PTK2B: variants seen among roughly 807,000 people sequenced by gnomAD.
PTK2B encodes protein tyrosine kinase 2 beta.
Under a neutral mutation model 142.9 loss-of-function variants are expected in PTK2B, and 71 were observed. The observed-to-expected ratio is 0.50, with a 90% CI of 0.41 to 0.61. The LOEUF is 0.61. Among genes scored for constraint, PTK2B ranks in the 20% least tolerant of loss-of-function variants. The pLI, the probability that PTK2B is intolerant of heterozygous loss-of-function variation, is 0.00. For synonymous variants in PTK2B, 519 were observed against 503.4 expected, an observed-to-expected ratio of 1.03 and a Z score of -0.42; for missense variants, 1,105 against 1,320.4, an observed-to-expected ratio of 0.84 and a Z score of 2.53.
intron 2 of PTK2B, among the ~76,000 whole-genome samples, chr8:27,414,860 C>T (rs925687267): frequency 1.3e-5 from 2 of 151,360 alleles, no homozygotes; most frequent in Non-Finnish European, 2.9e-5. Flanking sequence ...TTACAATCTC[C>T]TAATCACTCC....
At chr8:27,453,339 T>C (rs1230381531) in intron 28 of PTK2B, among the ~76,000 whole-genome samples, 179 bp downstream of exon 28, 2 of 152,172 alleles carry the variant, frequency 1.3e-5, no homozygotes, top group African/African-American at 4.8e-5. Flanking sequence ...GCCACACAGC[T>C]AATTCATGAA....
At chr8:27,422,993 C>T (rs1294841384) in intron 5 of PTK2B, among the ~76,000 whole-genome samples, 1 of 152,112 alleles carries the variant, frequency 6.6e-6, no homozygotes, top group Non-Finnish European at 1.5e-5. Flanking sequence ...AGAAAGATTT[C>T]AATCAGCAGA....
At chr8:27,360,719 C>G (rs779610768) in intron 1 of PTK2B, among the ~76,000 whole-genome samples, 2 of 152,076 alleles carry the variant, frequency 1.3e-5, no homozygotes, top group East Asian at 3.9e-4. Context: ...TGTGAACTTT[C>G]AAAAAAGGAT....
At chr8:27,350,990 A>AATATATATATATAT (rs1161548916) in intron 1 of PTK2B, among the ~76,000 whole-genome samples, 1 of 12,088 alleles carries the variant, frequency 8.3e-5, no homozygotes, top group Non-Finnish European at 1.6e-4. Context: ...AAAAAAAAAA[A>AATATATATATATAT]ATATATATAT....
At position 27,440,355 on chromosome 8, in the gene PTK2B, A is replaced by G. The variant is rs1239907842; in HGVS notation, c.1953A>G (p.Pro651=). The G allele has an allele frequency of 2.5e-6, 4 of 1,614,156 alleles. No individual in the cohort carries two copies. Among genetic ancestry groups the G allele is most frequent in the African/African-American group, 1.3e-5 (1 of 75,020 alleles). ...GGCTGCCCAAGCCTGATCTCTGTCC[A>G]CCGGTCCTTTATACCCTCATGACCC... ...GDRLPKPDLC[P]PVLYTLMTRC... Residue 651 remains proline, a synonymous_variant, in exon 21 of 31, where the codon CCA becomes CCG. Coordinates refer to ENST00000346049, the MANE Select transcript of PTK2B (RefSeq NM_173176.3).
chr8:27,336,025 G>A (rs977152728), intron 1 of PTK2B, among the ~76,000 whole-genome samples: 5 of 152,136 alleles, frequency 3.3e-5, no homozygotes, highest in African/African-American at 9.7e-5. Flanking sequence ...GGCTCGTGAG[G>A]TGCTCATTGT....
intron 9 of PTK2B, 140 bp from the exon 10 acceptor site, chr8:27,432,120 C>G: frequency 4.2e-6 from 3 of 708,552 alleles, no homozygotes; most frequent in Non-Finnish European, 7.2e-6. Flanking sequence ...ATCCTTCTAG[C>G]CTTAATAGTG....
chr8:27,330,922 C>A (rs1361612812), intron 1 of PTK2B, among the ~76,000 whole-genome samples: 3 of 152,148 alleles, frequency 2.0e-5, no homozygotes, highest in Non-Finnish European at 2.9e-5. Context: ...TATGAGGCAG[C>A]CAGTTAGTGT....
chr8:27,378,569 A>G (rs370184448), intron 1 of PTK2B, among the ~76,000 whole-genome samples: 39 of 151,718 alleles, frequency 2.6e-4, no homozygotes, highest in African/African-American at 9.2e-4. Context: ...TAAGTTGCAC[A>G]TGATTCAAGA....
At chr8:27,445,766 C>T in intron 23 of PTK2B, 28 bp from the exon 24 acceptor site, 1 of 1,612,248 alleles carries the variant, frequency 6.2e-7, no homozygotes, top group Non-Finnish European at 8.5e-7. Context: ...TGTCCCGTGC[C>T]TTGTGCTTCT....
At chr8:27,441,764 G>A (rs965281168) in intron 21 of PTK2B, among the ~76,000 whole-genome samples, 5 of 152,232 alleles carry the variant, frequency 3.3e-5, no homozygotes, top group Admixed American at 6.5e-5. Flanking sequence ...CAGGATAAAA[G>A]TATTTGAAGG....
In PTK2B at chr8:27,437,497, G is replaced by A; in HGVS notation, c.1527+1G>A. Reference sequence around the variant, plus strand: ...CATGGAATTGTATCCCTATGGGGAGGTGAGCTGGAGGACCCTGCGATGACA... The same window carrying A: ...CATGGAATTGTATCCCTATGGGGAGATGAGCTGGAGGACCCTGCGATGACA... On this transcript the variant is annotated splice_donor_variant, in intron 17 of 30. Coordinates refer to ENST00000346049, the MANE Select transcript of PTK2B (RefSeq NM_173176.3). LOFTEE classifies it high-confidence loss of function. 1 of 1,600,094 alleles carries A rather than the reference G, an allele frequency of 6.2e-7. No individual in the cohort carries two copies. Among genetic ancestry groups the A allele is most frequent in the Non-Finnish European group, 8.5e-7 (1 of 1,172,060 alleles).
intron 2 of PTK2B, among the ~76,000 whole-genome samples, chr8:27,399,676 G>A (rs1270134627): frequency 2.6e-5 from 4 of 152,186 alleles, no homozygotes; most frequent in African/African-American, 4.8e-5. Flanking sequence ...ATCTGGGGTC[G>A]GTGGGGAACA....
intron 1 of PTK2B, among the ~76,000 whole-genome samples, chr8:27,360,186 A>G (rs1174790803): frequency 2.0e-5 from 3 of 152,236 alleles, no homozygotes; most frequent in Non-Finnish European, 4.4e-5. Context: ...GCAAAAGCTC[A>G]CTTTCATTTA....
intron 1 of PTK2B, among the ~76,000 whole-genome samples, chr8:27,326,474 C>A (rs560023539): frequency 2.0e-5 from 3 of 152,292 alleles, no homozygotes; most frequent in African/African-American, 7.2e-5. Flanking sequence ...ATACCCCAAA[C>A]TGGGAGCAAA....
At chr8:27,343,913 G>A (rs2130195465) in intron 1 of PTK2B, among the ~76,000 whole-genome samples, 1 of 152,266 alleles carries the variant, frequency 6.6e-6, no homozygotes, top group East Asian at 1.9e-4. Context: ...TGAGGCAGGA[G>A]AATGGTGTGA....
At position 27,377,038 on chromosome 8, in the gene PTK2B, G is replaced by A. The variant is rs568748793; in HGVS notation, c.-37-20510G>A. On this transcript the variant is annotated intron_variant, in intron 1 of 30. Transcript: ENST00000346049. ...CTCCTGCGTTTAGAACCAGAGACTC[G>A]CTGTGCAAAGTGGGAGTGAGGAGGG... 4.6e-5 allele frequency among the ~76,000 whole-genome samples: 7 copies of A among 152,232 alleles called. No homozygotes were observed. In the South Asian group the frequency reaches 1.0e-3, roughly 23 times the overall value.
chr8:27,431,508 G>T, intron 9 of PTK2B, 36 bp downstream of exon 9: 2 of 1,612,368 alleles, frequency 1.2e-6, no homozygotes, highest in Non-Finnish European at 1.7e-6. Flanking sequence ...CCAGCCCCAG[G>T]CGGGGAGGTC....
intron 1 of PTK2B, among the ~76,000 whole-genome samples, chr8:27,336,870 C>G (rs1804095736): frequency 6.6e-6 from 1 of 152,200 alleles, no homozygotes; most frequent in African/African-American, 2.4e-5. Context: ...GAGTCTCTCT[C>G]TGTCACCCAG....
Sources: gnomAD v4.1 joint callset for allele counts (sites outside exome capture counted in the v4.1 genomes callset) on GRCh38, gnomAD v4.1.1 for gene constraint, MANE v1.5 for transcripts, NCBI Gene and HGNC (gene_info 2026-07-23, HGNC 2026-07-21) for gene names.